BRD3: variants seen among roughly 807,000 people sequenced by gnomAD.
The protein encoded by BRD3 is bromodomain-containing protein 3.
In BRD3, 17 loss-of-function variants were observed where a neutral mutation model predicts 66.8. The ratio of observed to expected loss-of-function variants is 0.25; its 90% CI spans 0.17 to 0.38. The LOEUF (loss-of-function observed/expected upper bound fraction) is 0.38. Ranked by LOEUF, BRD3 falls within the 10% of genes least tolerant of loss-of-function variation. The pLI is 1.00. For missense variants in BRD3, 713 were observed against 956.1 expected, an observed-to-expected ratio of 0.75 and a Z score of 3.35; for synonymous variants, 421 against 393.2, an observed-to-expected ratio of 1.07 and a Z score of -0.84.
At chr9:134,052,158 G>T in intron 3 of BRD3, 148 bp downstream of exon 3, 1 of 994,744 alleles carries the variant, frequency 1.0e-6, no homozygotes, top group Non-Finnish European at 1.4e-6. Context: ...CTCCCAAAGT[G>T]CTGGGATTAC....
chr9:134,050,681 C>T, intron 4 of BRD3, 93 bp from the exon 5 acceptor site: 1 of 1,052,146 alleles, frequency 9.5e-7, no homozygotes, highest in Non-Finnish European at 1.4e-6. Flanking sequence ...ACACGGGTAC[C>T]AGCTCTGTGC....
At chr9:134,050,911 G>A (rs183846700) in intron 4 of BRD3, among the ~76,000 whole-genome samples, 2 of 152,276 alleles carry the variant, frequency 1.3e-5, no homozygotes, top group East Asian at 1.9e-4. Context: ...TACTGAACTC[G>A]GTTCCCTAAG....
upstream of BRD3, among the ~76,000 whole-genome samples, chr9:134,068,171 C>A (rs1326858874): frequency 7.0e-6 from 1 of 143,624 alleles, no homozygotes; most frequent in African/African-American, 2.5e-5. Flanking sequence ...GGCGCCGCGC[C>A]CCGCCCCGGG....
Position 134,033,036 on chromosome 9 carries a change from G to A in BRD3, c.*554C>T, listed in dbSNP as rs765293930. On this transcript the variant is annotated 3_prime_UTR_variant, in exon 12 of 12. Transcript: ENST00000303407. This position sits in a 1 kb window ranked among gnomAD's most constrained non-coding sequence, Gnocchi z 5.1. Reference sequence around the variant, plus strand: ...GCTCCACGCTCCGGGCTGGGGCTGCGATGACCCTTCGCTTAGGCCCAGCCT... The same window carrying A: ...GCTCCACGCTCCGGGCTGGGGCTGCAATGACCCTTCGCTTAGGCCCAGCCT... 1 of 398,074 alleles carries A rather than the reference G, an allele frequency of 2.5e-6. No homozygotes were observed. The highest frequency in any genetic ancestry group is 3.6e-5 in the East Asian group (1 of 28,048). The allele number at this position is 398,074 out of a possible 1,614,324, so 24.7% of individuals were successfully genotyped here.
At chr9:134,060,660 G>A (rs1830521137) in intron 1 of BRD3, among the ~76,000 whole-genome samples, 1 of 151,934 alleles carries the variant, frequency 6.6e-6, no homozygotes, top group Non-Finnish European at 1.5e-5. Context: ...GTAGCCAGCG[G>A]GGAGAGGGCA....
chr9:134,034,589 C>A, intron 11 of BRD3, 112 bp downstream of exon 11: 1 of 1,419,944 alleles, frequency 7.0e-7, no homozygotes, highest in Non-Finnish European at 9.5e-7. Context: ...GAACATGGAG[C>A]TCATCAGGAG....
In BRD3 at chr9:134,067,938, G is replaced by T; in HGVS notation, c.-114+7C>A. 1 of 145,664 alleles carries T rather than the reference G, an allele frequency of 6.9e-6. No homozygotes were observed. Among genetic ancestry groups the T allele is most frequent in the South Asian group, 1.8e-4 (1 of 5,468 alleles). The allele number at this position is 145,664 out of a possible 1,614,324, so 9.0% of individuals were successfully genotyped here. On this transcript the variant is annotated splice_region_variant and intron_variant, in intron 1 of 11. Coordinates refer to ENST00000303407, the MANE Select transcript of BRD3 (RefSeq NM_007371.4). ...CGCGCGCGCAAGGAAGCAAGAGAAA[G>T]GCGTACTTGGCCTCGCGGCTCCGGC...
rs113698627 is a variant in BRD3, at chr9:134,033,416, A to G, written c.*174T>C. ...CACACCTTCTCATCAAGTCTAACGCACACACAAGATAGATCTCTGACCTAT... is the reference window on the plus strand; with the variant it reads ...CACACCTTCTCATCAAGTCTAACGCGCACACAAGATAGATCTCTGACCTAT... On this transcript the variant is annotated 3_prime_UTR_variant, in exon 12 of 12. Coordinates refer to ENST00000303407, the MANE Select transcript of BRD3 (RefSeq NM_007371.4). This position sits in a 1 kb window ranked among gnomAD's most constrained non-coding sequence, Gnocchi z 5.1. 3 of 546,484 alleles carry G rather than the reference A, an allele frequency of 5.5e-6. No individual in the cohort carries two copies. Among genetic ancestry groups the G allele is most frequent in the African/African-American group, 1.9e-5 (1 of 52,188 alleles). 33.9% of individuals were successfully genotyped at this position (546,484 alleles called of 1,614,324 possible). A position where few individuals can be genotyped will look rare whatever the true frequency, so the allele number is the denominator to read the frequency against.
intron 3 of BRD3, 132 bp from the exon 4 acceptor site, chr9:134,051,841 G>A (rs990911187): frequency 1.1e-5 from 7 of 658,680 alleles, no homozygotes; most frequent in Admixed American, 4.0e-5. Context: ...AGAACAAAAT[G>A]AATATATGTG....
intron 3 of BRD3, 38 bp from the exon 4 acceptor site, chr9:134,051,747 G>C: frequency 6.4e-7 from 1 of 1,567,050 alleles, no homozygotes. Context: ...TGTCAGGAAA[G>C]GAGCTGTGTG....
chr9:134,040,615 G>T (rs907687823), intron 8 of BRD3, among the ~76,000 whole-genome samples: 1 of 152,338 alleles, frequency 6.6e-6, no homozygotes, highest in Admixed American at 6.5e-5. Context: ...AGAATGTGCA[G>T]GTTTGTTACA....
At chr9:134,067,208 T>C (rs1196415445) in intron 1 of BRD3, among the ~76,000 whole-genome samples, 1 of 152,166 alleles carries the variant, frequency 6.6e-6, no homozygotes, top group African/African-American at 2.4e-5. Context: ...GATTAAGCGA[T>C]TTTCAGGCTG....
intron 3 of BRD3, among the ~76,000 whole-genome samples, 162 bp from the exon 4 acceptor site, chr9:134,051,871 G>GTTTTTTTTTTTTTT (rs1564555774): frequency 6.3e-5 from 7 of 110,502 alleles, no homozygotes; most frequent in African/African-American, 3.0e-4. Flanking sequence ...GTGTGTGTGT[G>GTTTTTTTTTTTTTT]TGTGTGTTGT....
At chr9:134,044,960 TAC>T (rs1044061301) in intron 7 of BRD3, among the ~76,000 whole-genome samples, 18 of 152,186 alleles carry the variant, frequency 1.2e-4, no homozygotes, top group African/African-American at 4.3e-4. Flanking sequence ...TGCTGGAAAC[TAC>T]AGTCAGGGAA....
At chr9:134,036,403 C>G in intron 9 of BRD3, 79 bp from the exon 10 acceptor site, 1 of 1,571,868 alleles carries the variant, frequency 6.4e-7, no homozygotes, top group South Asian at 1.2e-5. Context: ...ACCCCTTCCT[C>G]CCAACAGCAG....
chr9:134,036,605 A>C (rs1829921742), intron 9 of BRD3: 1 of 1,599,212 alleles, frequency 6.3e-7, no homozygotes, highest in South Asian at 1.1e-5. Context: ...TATTCAGGTA[A>C]TCCAAAAGAA....
intron 6 of BRD3, 125 bp downstream of exon 6, chr9:134,047,958 G>T: frequency 7.6e-7 from 1 of 1,323,712 alleles, no homozygotes; most frequent in Non-Finnish European, 9.9e-7. Flanking sequence ...AGCCTGGAGG[G>T]TGCGCTTCTC....
At chr9:134,063,363 C>T (rs1438035527) in intron 1 of BRD3, among the ~76,000 whole-genome samples, 1 of 152,200 alleles carries the variant, frequency 6.6e-6, no homozygotes, top group Non-Finnish European at 1.5e-5. Flanking sequence ...GTCAGCATAC[C>T]CAGGGCTCTG....
intron 9 of BRD3, among the ~76,000 whole-genome samples, chr9:134,037,733 CTAATTA>C (rs1160520826): frequency 6.6e-6 from 1 of 152,016 alleles, no homozygotes; most frequent in Non-Finnish European, 1.5e-5. Flanking sequence ...TCAATGAAAT[CTAATTA>C]TGTTTCTTTG....
Sources: allele counts gnomAD v4.1 joint callset (sites outside exome capture counted in the v4.1 genomes callset), GRCh38; gene constraint gnomAD v4.1.1; non-coding constraint Gnocchi (gnomAD v3.1); transcripts MANE v1.5; gene names NCBI Gene and HGNC (gene_info 2026-07-23, HGNC 2026-07-21).